THAP6: variants seen among roughly 807,000 people sequenced by gnomAD.
THAP6 encodes the protein THAP domain containing 6, also known as THAP domain-containing protein 6.
A neutral mutation model predicts 20.0 loss-of-function variants in THAP6; 13 were observed. The observed-to-expected ratio is 0.65, with a 90% CI of 0.42 to 1.03. The LOEUF (loss-of-function observed/expected upper bound fraction) is 1.03, where lower values mean the gene tolerates loss of function less well. THAP6 is among the 50% of genes least tolerant of loss of function. THAP6 has a pLI of 0.00. For missense variants in THAP6, 262 were observed against 261.6 expected (o/e 1.00, Z -0.01); for synonymous variants, 93 against 92.2 (o/e 1.01, Z -0.05).
intron 3 of THAP6, among the ~76,000 whole-genome samples, chr4:75,547,067 A>G (rs1727141896): frequency 6.6e-6 from 1 of 152,168 alleles, no homozygotes; most frequent in Non-Finnish European, 1.5e-5. Context: ...CCCCTGGGTA[A>G]AGCCACCTCC....
chr4:75,546,835 A>G (rs1411280992), intron 3 of THAP6, among the ~76,000 whole-genome samples: 1 of 152,186 alleles, frequency 6.6e-6, no homozygotes, highest in Non-Finnish European at 1.5e-5. Flanking sequence ...ACAGAGGGCC[A>G]TCCGTTTACT....
chr4:75,542,117 C>A (rs146915195), intron 2 of THAP6, among the ~76,000 whole-genome samples: 116 of 152,296 alleles, frequency 7.6e-4, no homozygotes, highest in African/African-American at 2.7e-3. Context: ...AAAGAAATCT[C>A]CCAAACCCCT....
chr4:75,527,074 A>G lies in THAP6; in HGVS notation c.529A>G (p.Lys177Glu). The change falls in exon 5 of 5, where the codon AAA becomes GAA. Residue 177 changes from lysine (K) to glutamate (E), a missense_variant. Coordinates refer to ENST00000311638, the MANE Select transcript of THAP6 (RefSeq NM_144721.6). ...TCTACGGAATGTTTTAGACCGAGAA[A>G]AACGTTTTCAGAAATCATTGAGGAA... ...ESLRNVLDRE[K>E]RFQKSLRKTI... The G allele has an allele frequency of 6.2e-7, 1 of 1,614,144 alleles. No individual in the cohort carries two copies. The highest frequency in any genetic ancestry group is 8.5e-7 in the Non-Finnish European group (1 of 1,180,000).
upstream of THAP6, chr4:75,514,100 T>A: frequency 6.6e-7 from 1 of 1,524,074 alleles, no homozygotes; most frequent in South Asian, 1.2e-5. Flanking sequence ...AAAATCAGGT[T>A]AACCTCAAAC....
intron 3 of THAP6, chr4:75,544,628 A>G (rs6856772): frequency 0.39 from 59,316 of 151,704 alleles, 12,855 homozygotes; most frequent in African/African-American, 0.59. Context: ...AAAGTGCTAG[A>G]ATTACAGGTG....
chr4:75,545,115 T>A (rs1727097170), intron 3 of THAP6, among the ~76,000 whole-genome samples: 1 of 152,140 alleles, frequency 6.6e-6, no homozygotes, highest in Admixed American at 6.6e-5. Context: ...TATGTCCAAT[T>A]CTTAGAACAG....
intron 2 of THAP6, among the ~76,000 whole-genome samples, chr4:75,538,309 A>G (rs1372451868): frequency 6.6e-6 from 1 of 152,098 alleles, no homozygotes; most frequent in Non-Finnish European, 1.5e-5. Context: ...CCCAGATTGT[A>G]GGATTTGAGA....
In THAP6 at chr4:75,529,881, TATACC is replaced by T; in HGVS notation, c.*2671_*2675del. 5.1e-6 allele frequency: 5 copies of T among 973,734 alleles called. No homozygotes were observed. The highest frequency in any genetic ancestry group is 6.1e-6 in the Non-Finnish European group (5 of 819,242). 60.3% of individuals were successfully genotyped at this position (973,734 alleles called of 1,614,324 possible). ...TTTGGTTGCTAATGACAATTACAGT[TATACC>T]ATAGTCTGTAATTTGAGAAAAGGTG... On this transcript the variant is annotated 3_prime_UTR_variant, in exon 5 of 5. Transcript: ENST00000311638.
At chr4:75,516,682 C>A in intron 2 of THAP6, 90 bp from the exon 3 acceptor site, 1 of 1,037,806 alleles carries the variant, frequency 9.6e-7, no homozygotes, top group South Asian at 1.7e-5. Context: ...GTTAACGAAT[C>A]AATTTAGTCA....
chr4:75,514,456 G>A (rs1725351382), upstream of THAP6: 1 of 697,710 alleles, frequency 1.4e-6, no homozygotes, highest in Non-Finnish European at 2.3e-6. Context: ...CCGGGGCTAC[G>A]AGGCGGAAGC....
downstream of THAP6, among the ~76,000 whole-genome samples, chr4:75,530,495 C>T (rs1726647264): frequency 6.6e-6 from 1 of 152,184 alleles, no homozygotes; most frequent in Non-Finnish European, 1.5e-5. Flanking sequence ...CCATCTGGAG[C>T]ACATGTGCTT....
At chr4:75,518,425 C>T (rs1725801757) in intron 3 of THAP6, among the ~76,000 whole-genome samples, 1 of 152,108 alleles carries the variant, frequency 6.6e-6, no homozygotes, top group Admixed American at 6.5e-5. Context: ...TACTGTATAC[C>T]TTTTCCTTTA....
At chr4:75,542,815 A>C (rs1371442594) in intron 3 of THAP6, 1 of 200,972 alleles carries the variant, frequency 5.0e-6, no homozygotes, top group Non-Finnish European at 1.0e-5. Context: ...ACAATGTCTT[A>C]AAGGCCAGAC....
At chr4:75,537,585 T>A (rs574236036) in intron 2 of THAP6, among the ~76,000 whole-genome samples, 5 of 152,160 alleles carry the variant, frequency 3.3e-5, no homozygotes, top group Non-Finnish European at 5.9e-5. Flanking sequence ...CCAATTAAAC[T>A]ACTTTCTTTG....
intron 3 of THAP6, chr4:75,544,742 A>G (rs1175216833): frequency 1.3e-5 from 2 of 151,910 alleles, no homozygotes; most frequent in African/African-American, 2.4e-5. Context: ...TCTCCCTCCA[A>G]ACATTGTAAT....
intron 3 of THAP6, among the ~76,000 whole-genome samples, chr4:75,547,145 G>A (rs1051067139): frequency 1.3e-5 from 2 of 152,186 alleles, no homozygotes; most frequent in Admixed American, 6.5e-5. Flanking sequence ...AGGTACAGGG[G>A]CAGACCCTTC....
chr4:75,523,645 A>T (rs1249493855), intron 4 of THAP6, among the ~76,000 whole-genome samples: 1 of 151,990 alleles, frequency 6.6e-6, no homozygotes, highest in Non-Finnish European at 1.5e-5. Flanking sequence ...CTTTACCAAA[A>T]ATACAAAAAA....
intron 2 of THAP6, among the ~76,000 whole-genome samples, chr4:75,515,836 G>A (rs1485712255): frequency 6.6e-6 from 1 of 152,220 alleles, no homozygotes; most frequent in Non-Finnish European, 1.5e-5. Context: ...TTGTTTACAT[G>A]TAGTTTACAA....
At position 75,528,073 on chromosome 4, in the gene THAP6, T is replaced by A. The variant is rs1485578831; in HGVS notation, c.*859T>A. On this transcript the variant is annotated 3_prime_UTR_variant, in exon 5 of 5. Transcript: ENST00000311638. ...ATGTAAAGTAGTATTGCTGACATTTTAAAAAAATACAAAATACAAAAGAAA... is the reference window on the plus strand; with the variant it reads ...ATGTAAAGTAGTATTGCTGACATTTAAAAAAAATACAAAATACAAAAGAAA... 1 of 984,338 alleles carries A rather than the reference T, an allele frequency of 1.0e-6. No individual in the cohort carries two copies. Among genetic ancestry groups the A allele is most frequent in the Non-Finnish European group, 1.2e-6 (1 of 829,060 alleles). The allele number at this position is 984,338 out of a possible 1,614,324, so 61.0% of individuals were successfully genotyped here.
Sources: allele counts gnomAD v4.1 joint callset (sites outside exome capture counted in the v4.1 genomes callset), GRCh38; gene constraint gnomAD v4.1.1; transcripts MANE v1.5; gene names NCBI Gene and HGNC (gene_info 2026-07-23, HGNC 2026-07-21).